MBD5: variants seen among roughly 807,000 people sequenced by gnomAD.
MBD5 encodes methyl-CpG-binding domain protein 5.
Under a neutral mutation model 117.3 loss-of-function variants are expected in MBD5, and 13 were observed. The observed-to-expected ratio is 0.11, with a 90% confidence interval of 0.07 to 0.18. The LOEUF is 0.18. MBD5 is among the 10% of genes least tolerant of loss of function. The probability of loss-of-function intolerance (pLI) is 1.00; values close to 1 mark genes in which losing one functional copy is unlikely to be tolerated. For missense variants in MBD5, 1,879 were observed against 2,093.8 expected (o/e 0.90, Z 2.00); for synonymous variants, 727 against 766.4 (o/e 0.95, Z 0.85).
intron 1 of MBD5, among the ~76,000 whole-genome samples, chr2:148,141,815 A>T (rs552125616): frequency 4.6e-5 from 7 of 152,020 alleles, no homozygotes; most frequent in Middle Eastern, 3.4e-3. Context: ...GTTTTTAATA[A>T]AAATAAAAAT....
At chr2:148,206,937 T>C (rs7586436) in intron 2 of MBD5, among the ~76,000 whole-genome samples, 2,733 of 152,318 alleles carry the variant, frequency 0.018, 81 homozygotes, top group African/African-American at 0.062. Flanking sequence ...AAACACTGAA[T>C]ACAGGTTCAG....
Position 148,021,272 on chromosome 2 carries a change from G to T in MBD5, c.-1337G>T. The T allele has an allele frequency of 2.8e-6, 1 of 351,966 alleles. No individual in the cohort carries two copies. The highest frequency in any genetic ancestry group is 5.6e-6 in the Non-Finnish European group (1 of 177,884). 21.8% of individuals were successfully genotyped at this position (351,966 alleles called of 1,614,324 possible). ...TCCTTCCCCCACCCTCCAGCCCTGAGCCCTGAGAGGGGGATTGAGCCTGAG... is the reference window on the plus strand; with the variant it reads ...TCCTTCCCCCACCCTCCAGCCCTGATCCCTGAGAGGGGGATTGAGCCTGAG... On this transcript the variant is annotated 5_prime_UTR_variant, in exon 1 of 14. Transcript: ENST00000642680.
intron 4 of MBD5, among the ~76,000 whole-genome samples, chr2:148,455,817 A>G (rs895264281): frequency 3.3e-5 from 5 of 152,098 alleles, no homozygotes. Flanking sequence ...GAATGGGCCC[A>G]GTGTAATGAT....
chr2:148,306,038 G>C (rs1701883114), intron 3 of MBD5, among the ~76,000 whole-genome samples: 1 of 152,012 alleles, frequency 6.6e-6, no homozygotes, highest in Admixed American at 6.6e-5. Flanking sequence ...GATCACATAG[G>C]CTTTTAAAAT....
In MBD5 at chr2:148,384,668, A is replaced by G. The variant is rs1438365414; in HGVS notation, c.-557+42332A>G. Among the ~76,000 whole-genome samples the G allele has an allele frequency of 3.3e-5, 5 of 152,206 alleles. No individual in the cohort carries two copies. In the East Asian group the frequency reaches 9.7e-4, roughly 29 times the overall value. ...CACATTGCCAAGTCAATCCTAAGCC[A>G]AAAGAACAAAGCTGGAGGCATCACT... On this transcript the variant is annotated intron_variant, in intron 4 of 13. Coordinates refer to ENST00000642680, the MANE Select transcript of MBD5 (RefSeq NM_001378120.1).
intron 1 of MBD5, chr2:148,071,185 T>C (rs1328934864): frequency 1.3e-5 from 2 of 152,060 alleles, no homozygotes; most frequent in Non-Finnish European, 2.9e-5. Flanking sequence ...ATAACAGACA[T>C]ATATTAAAAT....
Position 148,311,966 on chromosome 2 carries a change from G to T in MBD5, c.-679-30248G>T, listed in dbSNP as rs570573203. Among the ~76,000 whole-genome samples, 8 of 152,260 alleles carry T rather than the reference G, an allele frequency of 5.3e-5. 1 individual carries two copies. The South Asian group carries it at 1.7e-3, about 32-fold the overall frequency. On this transcript the variant is annotated intron_variant, in intron 3 of 13. Transcript: ENST00000642680. The stretch of plus-strand genomic sequence containing the variant: ...GAAAATTCTTTTCTTTAAGAATGTC[G>T]AATATTGGACCCCACTCTCCTCTGG...
At chr2:148,322,415 C>T (rs1702305646) in intron 3 of MBD5, among the ~76,000 whole-genome samples, 1 of 152,118 alleles carries the variant, frequency 6.6e-6, no homozygotes, top group African/African-American at 2.4e-5. Context: ...ACTTTAGTTA[C>T]CTAGAATACA....
At chr2:148,509,965 C>T (rs537269479) in intron 12 of MBD5, 95 bp from the exon 13 acceptor site, 37 of 967,672 alleles carry the variant, frequency 3.8e-5, no homozygotes, top group Non-Finnish European at 5.6e-5. Context: ...GGCTTTCTCT[C>T]GTGGAATTGG....
chr2:148,509,739 A>G (rs1288830722), intron 12 of MBD5, among the ~76,000 whole-genome samples: 2 of 152,226 alleles, frequency 1.3e-5, no homozygotes, highest in Non-Finnish European at 2.9e-5. Context: ...AGGGAGCATG[A>G]GGGGCGTCTC....
At chr2:148,370,575 G>T (rs1397972299) in intron 4 of MBD5, among the ~76,000 whole-genome samples, 2 of 152,034 alleles carry the variant, frequency 1.3e-5, no homozygotes, top group Non-Finnish European at 2.9e-5. Flanking sequence ...TGCAACCTCT[G>T]CCCACTGGGC....
intron 4 of MBD5, among the ~76,000 whole-genome samples, chr2:148,392,433 C>T (rs557326633): frequency 6.6e-6 from 1 of 152,296 alleles, no homozygotes; most frequent in South Asian, 2.1e-4. Flanking sequence ...CTACCCTAGT[C>T]TTCTCAATCT....
At chr2:148,225,259 T>A (rs1030885264) in intron 2 of MBD5, among the ~76,000 whole-genome samples, 1 of 152,128 alleles carries the variant, frequency 6.6e-6, no homozygotes, top group Non-Finnish European at 1.5e-5. Context: ...AATACTATCT[T>A]ATAACCCATT....
intron 3 of MBD5, among the ~76,000 whole-genome samples, chr2:148,301,770 T>G (rs1178143040): frequency 6.6e-6 from 1 of 152,198 alleles, no homozygotes; most frequent in Non-Finnish European, 1.5e-5. Context: ...CATTCTTTTC[T>G]TTAGCAGTCT....
intron 1 of MBD5, among the ~76,000 whole-genome samples, chr2:148,112,112 G>C (rs1280656480): frequency 3.3e-5 from 5 of 152,158 alleles, no homozygotes; most frequent in African/African-American, 2.4e-5. Flanking sequence ...AATGTGACTA[G>C]AGCCTAGAAA....
intron 3 of MBD5, among the ~76,000 whole-genome samples, chr2:148,276,865 G>A (rs1163721363): frequency 6.6e-6 from 1 of 152,088 alleles, no homozygotes; most frequent in Non-Finnish European, 1.5e-5. Context: ...TTAAAGAGCA[G>A]TTCTGCATGT....
At chr2:148,134,238 C>A (rs530704845) in intron 1 of MBD5, among the ~76,000 whole-genome samples, 9 of 148,824 alleles carry the variant, frequency 6.0e-5, no homozygotes, top group African/African-American at 2.1e-4. Flanking sequence ...ATAGATAGAT[C>A]GATCGATCTA....
intron 7 of MBD5, 96 bp from the exon 8 acceptor site, chr2:148,468,244 TC>T (rs1276492607): frequency 1.0e-6 from 1 of 984,962 alleles, no homozygotes; most frequent in Non-Finnish European, 1.6e-6. Flanking sequence ...ATGCCCATCC[TC>T]CCTCTCCCTT....
chr2:148,427,023 T>C (rs1173433629), intron 4 of MBD5, among the ~76,000 whole-genome samples: 1 of 152,170 alleles, frequency 6.6e-6, no homozygotes, highest in East Asian at 1.9e-4. Context: ...AAAGAAGACA[T>C]TTATGCAGCC....
Sources: allele counts gnomAD v4.1 joint callset (sites outside exome capture counted in the v4.1 genomes callset), GRCh38; gene constraint gnomAD v4.1.1; transcripts MANE v1.5; gene names NCBI Gene and HGNC (gene_info 2026-07-23, HGNC 2026-07-21).